SLC9C2: variants seen among roughly 807,000 people sequenced by gnomAD.
SLC9C2 encodes the protein solute carrier family 9 member C2 (putative), also known as sodium/hydrogen exchanger 11.
In SLC9C2, 75 loss-of-function variants were observed where a neutral mutation model predicts 140.2. That is an observed-to-expected ratio of 0.53 (90% CI 0.44 to 0.65). The LOEUF (loss-of-function observed/expected upper bound fraction) is 0.65. Among genes scored for constraint, SLC9C2 ranks in the 30% least tolerant of loss-of-function variants. The pLI is 0.00. For missense variants in SLC9C2, 1,074 were observed against 1,331.8 expected (o/e 0.81, Z 3.01); for synonymous variants, 375 against 420.9 (o/e 0.89, Z 1.34).
intron 23 of SLC9C2, among the ~76,000 whole-genome samples, chr1:173,514,975 T>C (rs1660315805): frequency 6.6e-6 from 1 of 152,220 alleles, no homozygotes; most frequent in Non-Finnish European, 1.5e-5. Context: ...TGTTGAATAT[T>C]GGCCCCCACT....
chr1:173,574,329 TAC>T (rs1237087900), intron 8 of SLC9C2, among the ~76,000 whole-genome samples: 3 of 152,148 alleles, frequency 2.0e-5, no homozygotes, highest in Non-Finnish European at 2.9e-5. Context: ...TGTTCTTCGA[TAC>T]ACACAGCATT....
chr1:173,541,129 C>T (rs984996029), intron 13 of SLC9C2, among the ~76,000 whole-genome samples: 1 of 151,708 alleles, frequency 6.6e-6, no homozygotes, highest in Non-Finnish European at 1.5e-5. Flanking sequence ...TGCAGAAACA[C>T]ACATACTCTC....
rs530247092 is a variant in SLC9C2, at chr1:173,520,139, C to T, written c.2739+1162G>A. Among the ~76,000 whole-genome samples the T allele has an allele frequency of 3.0e-4, 45 of 152,252 alleles. No homozygotes were observed. In the South Asian group the frequency reaches 7.1e-3, roughly 24 times the overall value. On this transcript the variant is annotated intron_variant, in intron 22 of 27. Coordinates refer to ENST00000367714, the MANE Select transcript of SLC9C2 (RefSeq NM_178527.4). ...CTCCAGACTGAGTGACAGAGACTGT[C>T]GCCCAGGCTGGAGTGCAGTGGCAGG...
At chr1:173,575,340 C>T (rs1448673114) in intron 8 of SLC9C2, among the ~76,000 whole-genome samples, 1 of 151,788 alleles carries the variant, frequency 6.6e-6, no homozygotes, top group East Asian at 1.9e-4. Context: ...AAGGATTGGT[C>T]GAATGGGTGA....
chr1:173,517,484 T>G (rs1660502085), intron 23 of SLC9C2, 53 bp downstream of exon 23: 9 of 1,481,462 alleles, frequency 6.1e-6, no homozygotes, highest in South Asian at 5.4e-5. Flanking sequence ...ATGCTGGTAT[T>G]TTTTATTTAC....
intron 21 of SLC9C2, among the ~76,000 whole-genome samples, chr1:173,521,919 G>T (rs1242960952): frequency 6.9e-6 from 1 of 145,242 alleles, no homozygotes; most frequent in Non-Finnish European, 1.5e-5. Context: ...TGCAGAAAAG[G>T]CCGGGCGCGG....
chr1:173,600,296 C>T, intron 2 of SLC9C2, 79 bp from the exon 3 acceptor site: 1 of 915,790 alleles, frequency 1.1e-6, no homozygotes, highest in South Asian at 2.1e-5. Flanking sequence ...TTGCACCATC[C>T]CAAAGTAAGT....
intron 5 of SLC9C2, among the ~76,000 whole-genome samples, chr1:173,585,183 G>A (rs894662366): frequency 6.6e-6 from 1 of 152,040 alleles, no homozygotes; most frequent in Non-Finnish European, 1.5e-5. Flanking sequence ...TTTTAAAACA[G>A]GTAATGGATA....
intron 13 of SLC9C2, among the ~76,000 whole-genome samples, chr1:173,546,581 A>T (rs547927916): frequency 6.6e-5 from 10 of 152,302 alleles, no homozygotes; most frequent in African/African-American, 2.2e-4. Flanking sequence ...ACTTTGTTTC[A>T]AAATAAATAA....
At chr1:173,508,918 G>T (rs1659840645) in intron 24 of SLC9C2, among the ~76,000 whole-genome samples, 1 of 152,172 alleles carries the variant, frequency 6.6e-6, no homozygotes, top group Non-Finnish European at 1.5e-5. Flanking sequence ...ATTAACATCG[G>T]CAGAGTAGGC....
intron 21 of SLC9C2, among the ~76,000 whole-genome samples, chr1:173,523,625 G>A (rs1398880797): frequency 2.6e-5 from 4 of 152,054 alleles, no homozygotes; most frequent in Non-Finnish European, 4.4e-5. Flanking sequence ...CTATCTGCCC[G>A]GTCTGTGCAG....
intron 21 of SLC9C2, among the ~76,000 whole-genome samples, chr1:173,523,017 C>T (rs1381237783): frequency 6.6e-6 from 1 of 152,216 alleles, no homozygotes; most frequent in Non-Finnish European, 1.5e-5. Context: ...TGATAGGCTA[C>T]TTATTTATGT....
Position 173,600,234 on chromosome 1 carries a change from G to C in SLC9C2, c.128-17C>G. The C allele has an allele frequency of 6.3e-7, 1 of 1,580,526 alleles. No individual in the cohort carries two copies. The highest frequency in any genetic ancestry group is 8.7e-7 in the Non-Finnish European group (1 of 1,151,830). ...TCAAAAGCCCTAAATGTGAAAAACAGAATAGTTGCATGAGTACTCGAAGTA... is the reference window on the plus strand; with the variant it reads ...TCAAAAGCCCTAAATGTGAAAAACACAATAGTTGCATGAGTACTCGAAGTA... On this transcript the variant is annotated splice_polypyrimidine_tract_variant and intron_variant, in intron 2 of 27. Coordinates refer to ENST00000367714, the MANE Select transcript of SLC9C2 (RefSeq NM_178527.4).
intron 6 of SLC9C2, among the ~76,000 whole-genome samples, chr1:173,583,164 C>T (rs1214749828): frequency 1.3e-5 from 2 of 152,188 alleles, no homozygotes; most frequent in Non-Finnish European, 2.9e-5. Flanking sequence ...ATATAACCTA[C>T]AGCACATACT....
chr1:173,555,510 C>CT (rs1663612382), intron 10 of SLC9C2, among the ~76,000 whole-genome samples: 1 of 152,174 alleles, frequency 6.6e-6, no homozygotes, highest in Non-Finnish European at 1.5e-5. Context: ...CTGACTCCCG[C>CT]TGTGGGTTGT....
At chr1:173,566,228 T>A (rs1021607872) in intron 9 of SLC9C2, among the ~76,000 whole-genome samples, 1 of 152,118 alleles carries the variant, frequency 6.6e-6, no homozygotes, top group Non-Finnish European at 1.5e-5. Context: ...CCTCCTCTAT[T>A]TTTCAGAATA....
chr1:173,555,516 G>A (rs769185917), intron 10 of SLC9C2, among the ~76,000 whole-genome samples: 1 of 152,144 alleles, frequency 6.6e-6, no homozygotes, highest in Non-Finnish European at 1.5e-5. Flanking sequence ...CCCGCTGTGG[G>A]TTGTGATTCT....
At chr1:173,544,107 T>C (rs1195758164) in intron 13 of SLC9C2, among the ~76,000 whole-genome samples, 1 of 152,120 alleles carries the variant, frequency 6.6e-6, no homozygotes, top group Non-Finnish European at 1.5e-5. Flanking sequence ...AATCTACCCA[T>C]CTGACAAAGG....
At chr1:173,599,233 C>T (rs1190047796) in intron 3 of SLC9C2, among the ~76,000 whole-genome samples, 1 of 152,006 alleles carries the variant, frequency 6.6e-6, no homozygotes, top group Non-Finnish European at 1.5e-5. Context: ...ATTCTCCTGC[C>T]TCAGCCTATA....
Sources: gnomAD v4.1 joint callset for allele counts (sites outside exome capture counted in the v4.1 genomes callset) on GRCh38, gnomAD v4.1.1 for gene constraint, MANE v1.5 for transcripts, NCBI Gene and HGNC (gene_info 2026-07-23, HGNC 2026-07-21) for gene names.